SCAF11: variants seen among roughly 807,000 people sequenced by gnomAD.
SCAF11 encodes protein SCAF11.
In SCAF11, 47 loss-of-function variants were observed where a neutral mutation model predicts 140.5. That is an observed-to-expected ratio of 0.33 (90% CI 0.26 to 0.43). The LOEUF is 0.43. Among genes scored for constraint, SCAF11 ranks in the 20% least tolerant of loss-of-function variants. SCAF11 has a pLI of 1.00. For synonymous variants in SCAF11, 557 were observed against 579.4 expected, an observed-to-expected ratio of 0.96 and a Z score of 0.55; for missense variants, 1,645 against 1,705.1, an observed-to-expected ratio of 0.96 and a Z score of 0.62.
chr12:45,955,616 A>C (rs1945670797), intron 3 of SCAF11: 1 of 152,900 alleles, frequency 6.5e-6, no homozygotes, highest in South Asian at 2.0e-4. Context: ...TAATGTAAAG[A>C]AATTTTAACT....
chr12:45,950,613 A>C (rs367932981), intron 4 of SCAF11, among the ~76,000 whole-genome samples: 11 of 152,162 alleles, frequency 7.2e-5, no homozygotes, highest in Middle Eastern at 3.2e-3. Context: ...CACTTCTATA[A>C]TGTTTTATCT....
intron 1 of SCAF11, among the ~76,000 whole-genome samples, chr12:45,967,989 T>C (rs1370829719): frequency 2.6e-5 from 4 of 152,244 alleles, no homozygotes; most frequent in African/African-American, 7.2e-5. Flanking sequence ...GTCATAGTCC[T>C]AGCCAGTAAT....
intron 3 of SCAF11, among the ~76,000 whole-genome samples, chr12:45,952,753 A>C (rs1447747862): frequency 6.6e-6 from 1 of 152,226 alleles, no homozygotes; most frequent in East Asian, 1.9e-4. Flanking sequence ...AACTCTGCAA[A>C]GAGCGTACCA....
At chr12:45,985,598 C>T (rs1418117694) in intron 1 of SCAF11, among the ~76,000 whole-genome samples, 1 of 152,172 alleles carries the variant, frequency 6.6e-6, no homozygotes, top group Non-Finnish European at 1.5e-5. Flanking sequence ...AGACTCATTT[C>T]TGTAAAATGG....
At chr12:45,923,782 A>G (rs1367762169) in intron 12 of SCAF11, among the ~76,000 whole-genome samples, 5 of 152,052 alleles carry the variant, frequency 3.3e-5, no homozygotes, top group African/African-American at 1.2e-4. Context: ...TACCAGGTTC[A>G]AGTGATTCTT....
intron 6 of SCAF11, among the ~76,000 whole-genome samples, chr12:45,936,154 T>G (rs1406978334): frequency 6.6e-6 from 1 of 152,068 alleles, no homozygotes. Context: ...TTTGTTTTTT[T>G]TTTTTGAAAC....
chr12:45,961,347 G>A (rs7315715), intron 3 of SCAF11: 1 of 715,348 alleles, frequency 1.4e-6, no homozygotes, highest in East Asian at 2.7e-5. Context: ...ACAAAAAGCA[G>A]ACAGAAGGTG....
At position 45,951,691 on chromosome 12, in the gene SCAF11, GA is replaced by G; in HGVS notation, c.255del (p.Gln86ArgfsTer17). ...AATGCACTGAATTTAAACACTGCCT[GA>G]AAAGGTTTACGGTCAATAGGACATG... is the stretch of plus-strand genomic sequence containing the variant. ...LASCPIDRKP[F>X]QAVFKFSALE... is the part of the protein sequence containing the mutation. On this transcript the variant is annotated frameshift_variant, in exon 4 of 15. Transcript: ENST00000369367. LOFTEE classifies it high-confidence loss of function. 6.3e-7 allele frequency: 1 copy of G among 1,592,564 alleles called. No individual in the cohort carries two copies. The highest frequency in any genetic ancestry group is 8.6e-7 in the Non-Finnish European group (1 of 1,166,520).
chr12:45,990,658 G>T, upstream of SCAF11: 1 of 1,106,992 alleles, frequency 9.0e-7, no homozygotes, highest in Non-Finnish European at 1.1e-6. Flanking sequence ...CGCTGTCGGC[G>T]CGCTAAGGTG....
chr12:45,961,451 C>T (rs1264497188), intron 3 of SCAF11: 1 of 615,460 alleles, frequency 1.6e-6, no homozygotes, highest in Non-Finnish European at 2.9e-6. Context: ...AAAGTTTGAT[C>T]TGTTCTTCCT....
intron 1 of SCAF11, among the ~76,000 whole-genome samples, chr12:45,978,251 T>C (rs1288464525): frequency 6.6e-6 from 1 of 152,166 alleles, no homozygotes. Flanking sequence ...CTGCTTAAGT[T>C]ATGGAGGACA....
In SCAF11 at chr12:45,926,593, G is replaced by C. The variant is rs568957675; in HGVS notation, c.3108C>G (p.Thr1036=). 11 of 1,613,376 alleles carry C rather than the reference G, an allele frequency of 6.8e-6. No homozygotes were observed. Among genetic ancestry groups the C allele is most frequent in the Admixed American group, 6.7e-5 (4 of 59,848 alleles). Residue 1036 remains threonine, a synonymous_variant, in exon 11 of 15, where the codon ACC becomes ACG. Coordinates refer to ENST00000369367, the MANE Select transcript of SCAF11 (RefSeq NM_004719.3). ...ACTCTTTCAACTTTTCTGGATTTCTGGTTCTTGGATCAGGCCCAGAGTTTA... is the reference window on the plus strand; with the variant it reads ...ACTCTTTCAACTTTTCTGGATTTCTCGTTCTTGGATCAGGCCCAGAGTTTA... ...EKINSGPDPR[T]RNPEKLKESH... is the part of the protein sequence containing the mutation.
rs765568231 is a variant in SCAF11 at position 45,926,855 on chromosome 12, C to T, written c.2846G>A (p.Ser949Asn). ...SRSPSRCRTK[S>N]KSSSFGRIDR... Reference sequence around the variant, plus strand: ...AATTCTACCAAATGATGAACTCTTACTTTTTGTTCTACATCTTGAGGGGGA... The same window carrying T: ...AATTCTACCAAATGATGAACTCTTATTTTTTGTTCTACATCTTGAGGGGGA... Residue 949 changes from serine to asparagine, a missense_variant, in exon 11 of 15, where the codon AGT becomes AAT. This residue lies in a region of SCAF11 where 1,582 missense variants were observed against 1,609.2 expected (regional missense o/e 0.98). Transcript: ENST00000369367. 1.2e-6 allele frequency: 2 copies of T among 1,614,128 alleles called. No individual in the cohort carries two copies. The highest frequency in any genetic ancestry group is 2.2e-5 in the South Asian group (2 of 91,088).
chr12:45,926,688 G>T lies in SCAF11; in HGVS notation c.3013C>A (p.Leu1005Ile). Residue 1005 changes from leucine to isoleucine, a missense_variant, in exon 11 of 15, where the codon CTA (leucine) becomes ATA (isoleucine). Transcript: ENST00000369367. The part of the protein sequence containing the change: ...NTRKEKNDIH[L>I]DADDPNSADK... ...GCAGAATTTGGATCATCAGCATCTA[G>T]ATGGATGTCATTTTTTTCTTTTCTT... 6.2e-7 allele frequency: 1 copy of T among 1,613,412 alleles called. No homozygotes were observed.
chr12:45,951,996 A>G (rs1945562527), intron 3 of SCAF11, among the ~76,000 whole-genome samples: 1 of 152,214 alleles, frequency 6.6e-6, no homozygotes. Flanking sequence ...TAGTATAGTG[A>G]AAGATGAGTT....
At chr12:45,947,767 C>T (rs921832561) in intron 5 of SCAF11, among the ~76,000 whole-genome samples, 2 of 152,142 alleles carry the variant, frequency 1.3e-5, no homozygotes, top group African/African-American at 4.8e-5. Context: ...GCCTCAGATT[C>T]CTGGGTTCAA....
At chr12:45,964,649 A>G (rs1945901717) in intron 1 of SCAF11, among the ~76,000 whole-genome samples, 1 of 151,724 alleles carries the variant, frequency 6.6e-6, no homozygotes, top group East Asian at 1.9e-4. Flanking sequence ...CCTGGGGGAC[A>G]CAGTGAGACT....
At chr12:45,974,129 A>G in intron 1 of SCAF11, 1 of 468,156 alleles carries the variant, frequency 2.1e-6, no homozygotes, top group South Asian at 1.6e-5. Flanking sequence ...ATTATACTGT[A>G]GTCCATGAAG....
chr12:45,940,274 G>T (rs1945266469), intron 6 of SCAF11, among the ~76,000 whole-genome samples: 1 of 152,100 alleles, frequency 6.6e-6, no homozygotes, highest in Non-Finnish European at 1.5e-5. Context: ...TGATAAGTGG[G>T]GAGCAGACAT....
Sources: gnomAD v4.1 joint callset for allele counts (sites outside exome capture counted in the v4.1 genomes callset) on GRCh38, gnomAD v4.1.1 for gene constraint, gnomAD v4.1.1 regional missense constraint, MANE v1.5 for transcripts, NCBI Gene and HGNC (gene_info 2026-07-23, HGNC 2026-07-21) for gene names.